FBXO3: variants seen among roughly 807,000 people sequenced by gnomAD.
FBXO3 encodes the protein F-box only protein 3.
Under a neutral mutation model 64.8 loss-of-function variants are expected in FBXO3, and 17 were observed. The observed-to-expected ratio is 0.26, with a 90% CI of 0.18 to 0.39. The LOEUF (loss-of-function observed/expected upper bound fraction) is 0.39, where lower values mean the gene tolerates loss of function less well. Ranked by LOEUF, FBXO3 falls within the 10% of genes least tolerant of loss-of-function variation. FBXO3 has a pLI of 1.00. For synonymous variants in FBXO3, 182 were observed against 201.6 expected (o/e 0.90, Z 0.82); for missense variants, 420 against 589.9 (o/e 0.71, Z 2.98).
Position 33,748,898 on chromosome 11 carries a change from G to A in FBXO3, c.933-6C>T. 6.3e-7 allele frequency: 1 copy of A among 1,591,348 alleles called. No individual in the cohort carries two copies. The highest frequency in any genetic ancestry group is 8.6e-7 in the Non-Finnish European group (1 of 1,159,496). ...CATCTTTTGACATTTCAATCCTAGA[G>A]AAGGGAATGGGGTGGTAGAGACAAA... On this transcript the variant is annotated splice_region_variant and splice_polypyrimidine_tract_variant and intron_variant, in intron 8 of 10. Transcript: ENST00000265651.
intron 3 of FBXO3, among the ~76,000 whole-genome samples, chr11:33,767,385 C>T (rs1361100439): frequency 4.6e-5 from 7 of 152,182 alleles, no homozygotes; most frequent in South Asian, 2.1e-4. Flanking sequence ...CCGCAAGCTC[C>T]GCTTGCCGGG....
rs975138622 is a variant in FBXO3 at position 33,748,897 on chromosome 11, A to C, written c.933-5T>G. 1.3e-6 allele frequency: 2 copies of C among 1,595,770 alleles called. No individual in the cohort carries two copies. Among genetic ancestry groups the C allele is most frequent in the Middle Eastern group, 1.7e-4 (1 of 6,018 alleles). On this transcript the variant is annotated splice_region_variant and splice_polypyrimidine_tract_variant and intron_variant, in intron 8 of 10. Transcript: ENST00000265651. Reference sequence around the variant, plus strand: ...GCATCTTTTGACATTTCAATCCTAGAGAAGGGAATGGGGTGGTAGAGACAA... The same window carrying C: ...GCATCTTTTGACATTTCAATCCTAGCGAAGGGAATGGGGTGGTAGAGACAA...
chr11:33,764,231 T>C (rs1055363496), intron 3 of FBXO3, among the ~76,000 whole-genome samples: 1 of 152,170 alleles, frequency 6.6e-6, no homozygotes, highest in Non-Finnish European at 1.5e-5. Context: ...TCTCACAAAG[T>C]AGAAATAATC....
At chr11:33,749,360 C>CTT (rs35452082) in intron 8 of FBXO3, among the ~76,000 whole-genome samples, 43,025 of 136,880 alleles carry the variant, frequency 0.31, 7,411 homozygotes, top group Middle Eastern at 0.51. Flanking sequence ...TGGGATTACA[C>CTT]TTTTTTTTTT....
rs538067662 is a variant in FBXO3 at position 33,768,941 on chromosome 11, T to C, written c.268A>G (p.Ile90Val). ...TTTTTAATAGCAGCATAATGGTCAA[T>C]GTATCTTCCTACATCAGAGTAAGTA... ...IDTYSDVGRY[I>V]DHYAAIKKAW... Residue 90 changes from isoleucine (I) to valine (V), a missense_variant, in exon 3 of 11, where the codon ATT (isoleucine) becomes GTT (valine). Ile to Val is a conservative substitution (Grantham distance 29, BLOSUM62 3). Coordinates refer to ENST00000265651, the MANE Select transcript of FBXO3 (RefSeq NM_012175.4). The C allele has an allele frequency of 2.5e-6, 4 of 1,614,076 alleles. No homozygotes were observed. Among genetic ancestry groups the C allele is most frequent in the East Asian group, 4.5e-5 (2 of 44,872 alleles).
intron 6 of FBXO3, chr11:33,754,242 T>C (rs762769945): frequency 9.6e-5 from 46 of 476,840 alleles, no homozygotes; most frequent in Non-Finnish European, 1.4e-4. Context: ...AGATTGTATA[T>C]GGACTAGCTT....
chr11:33,765,886 T>C (rs140055601), intron 3 of FBXO3, among the ~76,000 whole-genome samples: 48 of 152,292 alleles, frequency 3.2e-4, no homozygotes, highest in Non-Finnish European at 5.0e-4. Context: ...AAAAGCTCCC[T>C]GAGGCCTCCC....
intron 3 of FBXO3, chr11:33,763,216 C>A (rs1400413759): frequency 2.3e-6 from 1 of 432,498 alleles, no homozygotes. Flanking sequence ...ATAAACTCTT[C>A]CAGGGAACAG....
chr11:33,769,693 T>C (rs1429217556), intron 2 of FBXO3, among the ~76,000 whole-genome samples: 2 of 151,906 alleles, frequency 1.3e-5, no homozygotes, highest in African/African-American at 4.8e-5. Flanking sequence ...TAAGCCTTTG[T>C]GATGAATATA....
At chr11:33,755,104 T>G (rs1398833289) in intron 5 of FBXO3, among the ~76,000 whole-genome samples, 1 of 152,020 alleles carries the variant, frequency 6.6e-6, no homozygotes, top group African/African-American at 2.4e-5. Context: ...ACTCCTGATC[T>G]CAGTTGATCC....
At chr11:33,759,191 T>A (rs1288660420) in intron 3 of FBXO3, among the ~76,000 whole-genome samples, 1 of 152,110 alleles carries the variant, frequency 6.6e-6, no homozygotes, top group Non-Finnish European at 1.5e-5. Flanking sequence ...TGCTGAATAG[T>A]GAAAACAAAA....
chr11:33,764,591 T>C lies in FBXO3; in HGVS notation c.358+4260A>G, dbSNP rs180853075. On this transcript the variant is annotated intron_variant, in intron 3 of 10. Transcript: ENST00000265651. Reference sequence around the variant, plus strand: ...CATAACTCCAGCTCCAGTCTAATCATCCGTAAAATATCAAGACGAAGCTGA... The same window carrying C: ...CATAACTCCAGCTCCAGTCTAATCACCCGTAAAATATCAAGACGAAGCTGA... Among the ~76,000 whole-genome samples, 202 of 152,226 alleles carry C rather than the reference T, an allele frequency of 1.3e-3. 3 individuals are homozygous for C. The highest frequency in any genetic ancestry group is 4.7e-3 in the African/African-American group (195 of 41,532).
chr11:33,749,353 G>A (rs1009279245), intron 8 of FBXO3, among the ~76,000 whole-genome samples: 11 of 146,020 alleles, frequency 7.5e-5, no homozygotes, highest in African/African-American at 2.8e-4. Context: ...CAGTTACTGG[G>A]ATTACACTTT....
intron 5 of FBXO3, among the ~76,000 whole-genome samples, chr11:33,754,869 CT>C (rs35020100): frequency 7.6e-4 from 110 of 144,002 alleles, no homozygotes; most frequent in Non-Finnish European, 8.8e-4. Flanking sequence ...AAAGCATTTT[CT>C]TTTTTTTTTT....
chr11:33,758,370 G>A, intron 4 of FBXO3, 117 bp downstream of exon 4: 2 of 603,566 alleles, frequency 3.3e-6, no homozygotes, highest in Non-Finnish European at 5.4e-6. Flanking sequence ...AAAGGAGAAA[G>A]AGGGAATTCC....
chr11:33,750,759 T>C (rs1854936364), intron 7 of FBXO3, 98 bp from the exon 8 acceptor site: 1 of 1,127,394 alleles, frequency 8.9e-7, no homozygotes, highest in South Asian at 1.6e-5. Flanking sequence ...ATTTAAATCA[T>C]ATTTCAGACC....
At chr11:33,758,417 C>A (rs957924390) in intron 4 of FBXO3, 70 bp downstream of exon 4, 4 of 1,172,642 alleles carry the variant, frequency 3.4e-6, no homozygotes, top group Non-Finnish European at 4.8e-6. Context: ...ACTACAAATA[C>A]AATTTATTTA....
rs912901610 is a variant in FBXO3, at chr11:33,770,258, C to G, written c.194+483G>C. Among the ~76,000 whole-genome samples the G allele has an allele frequency of 3.3e-5, 5 of 152,188 alleles. No homozygotes were observed. The East Asian group carries it at 7.7e-4, about 23-fold the overall frequency. On this transcript the variant is annotated intron_variant, in intron 2 of 10. Coordinates refer to ENST00000265651, the MANE Select transcript of FBXO3 (RefSeq NM_012175.4). ...CTTAAACCTCTGCTTCTTACTTCAC[C>G]AACTTTAGTCACTACCTGACTCCAC...
At chr11:33,746,573 T>C in intron 10 of FBXO3, 1 of 670,798 alleles carries the variant, frequency 1.5e-6, no homozygotes, top group Non-Finnish European at 2.7e-6. Context: ...ATCCCCATTG[T>C]ATAACTGGAG....
Sources: gnomAD v4.1 joint callset for allele counts (sites outside exome capture counted in the v4.1 genomes callset) on GRCh38, gnomAD v4.1.1 for gene constraint, MANE v1.5 for transcripts, NCBI Gene and HGNC (gene_info 2026-07-23, HGNC 2026-07-21) for gene names.